The following GPR52 variants were observed in gnomAD, a reference collection of about 807,000 sequenced individuals.
GPR52 encodes probable G-protein coupled receptor 52.
GPR52 carries 8 observed loss-of-function variants against 24.0 expected under a neutral mutation model. That is an observed-to-expected ratio of 0.33 (90% CI 0.20 to 0.60). The LOEUF is 0.60. GPR52 is among the 20% of genes least tolerant of loss of function. The pLI is 0.82. For synonymous variants in GPR52, 144 were observed against 158.1 expected, an observed-to-expected ratio of 0.91 and a Z score of 0.67; for missense variants, 412 against 447.7, an observed-to-expected ratio of 0.92 and a Z score of 0.72.
chr1:174,449,089 A>C lies in GPR52; in HGVS notation c.978A>C (p.Leu326=). Residue 326 remains leucine, a synonymous_variant, in exon 1 of 1, where the codon CTA becomes CTC. Coordinates refer to ENST00000367685, the MANE Select transcript of GPR52 (RefSeq NM_005684.5). ...GCCTCTCCAACAGCGTTTTCCGGCT[A>C]GGCCTCCGAAGACTGTCTGAGACAA... ...IYSLSNSVFR[L]GLRRLSETMC... is the part of the protein sequence containing the mutation. The C allele has an allele frequency of 6.2e-7, 1 of 1,614,096 alleles. No homozygotes were observed. The highest frequency in any genetic ancestry group is 8.5e-7 in the Non-Finnish European group (1 of 1,179,922).
In GPR52 at chr1:174,448,029, C is replaced by G. The variant is rs900329926; in HGVS notation, c.-83C>G. The G allele has an allele frequency of 2.1e-5, 25 of 1,186,892 alleles. No homozygotes were observed. The highest frequency in any genetic ancestry group is 3.0e-5 in the Non-Finnish European group (25 of 825,248). The allele number at this position is 1,186,892 out of a possible 1,614,324, so 73.5% of individuals were successfully genotyped here. A position where few individuals can be genotyped will look rare whatever the true frequency, so the allele number is the denominator to read the frequency against. ...GTCTACTGAAGCAGGTTCTGAAACA[C>G]TCATGTGCGGTGTTTAACAGATGCT... On this transcript the variant is annotated 5_prime_UTR_variant, in exon 1 of 1. Transcript: ENST00000367685. The surrounding 1 kb of genome is among the most constrained non-coding windows in gnomAD (Gnocchi z 4.2).
rs765943147 is a variant in GPR52, at chr1:174,448,331, T to G, written c.220T>G (p.Tyr74Asp). The change falls in exon 1 of 1, where the codon TAT (tyrosine) becomes GAT (aspartate). Residue 74 changes from tyrosine (Y) to aspartate (D), a missense_variant. Coordinates refer to ENST00000367685, the MANE Select transcript of GPR52 (RefSeq NM_005684.5). The surrounding 1 kb of genome is among the most constrained non-coding windows in gnomAD (Gnocchi z 4.2). ...VFHCAPLLHH[Y>D]TTSYFIQTMA... ...TCATTGTGCTCCACTGTTACATCATTATACTACCAGCTATTTCATTCAGAC... is the reference window on the plus strand; with the variant it reads ...TCATTGTGCTCCACTGTTACATCATGATACTACCAGCTATTTCATTCAGAC... The G allele has an allele frequency of 6.2e-6, 10 of 1,613,814 alleles. No homozygotes were observed. The highest frequency in any genetic ancestry group is 8.5e-6 in the Non-Finnish European group (10 of 1,179,688).
chr1:174,449,377 T>A lies in GPR52; in HGVS notation c.*180T>A, dbSNP rs1558244488. Reference sequence around the variant, plus strand: ...TCATGGAAGAAACTAAAGGGAAGGATGTATAGAGGGTTAGCTCATGAAATA... The same window carrying A: ...TCATGGAAGAAACTAAAGGGAAGGAAGTATAGAGGGTTAGCTCATGAAATA... On this transcript the variant is annotated 3_prime_UTR_variant, in exon 1 of 1. Transcript: ENST00000367685. Among the ~76,000 whole-genome samples, 1 of 152,080 alleles carries A rather than the reference T, an allele frequency of 6.6e-6. No homozygotes were observed. Among genetic ancestry groups the A allele is most frequent in the Non-Finnish European group, 1.5e-5 (1 of 68,014 alleles).
rs1231639785 is a variant in GPR52 at position 174,448,631 on chromosome 1, T to C, written c.520T>C (p.Leu174=). The stretch of plus-strand genomic sequence containing the variant: ...CTGGATCTACTCCTGCCTAATTTTC[T>C]TGCCTTCCTTTTTTGGCTGGGGGAA... ...LIWIYSCLIF[L]PSFFGWGKPG... is the part of the protein sequence containing the mutation. The change falls in exon 1 of 1, where the codon TTG becomes CTG. Residue 174 remains leucine (L), a synonymous_variant. Coordinates refer to ENST00000367685, the MANE Select transcript of GPR52 (RefSeq NM_005684.5). This position sits in a 1 kb window ranked among gnomAD's most constrained non-coding sequence, Gnocchi z 4.2. 8 of 1,613,856 alleles carry C rather than the reference T, an allele frequency of 5.0e-6. 1 individual carries two copies. In the Admixed American group the frequency reaches 1.3e-4, roughly 27 times the overall value.
In GPR52 at chr1:174,448,110, C is replaced by T. The variant is rs559177505; in HGVS notation, c.-2C>T. The stretch of plus-strand genomic sequence containing the variant: ...CTGCAGGTGTCTTTAAATTTCCAAG[C>T]CATGAATGAATCCAGGTGGACTGAA... On this transcript the variant is annotated 5_prime_UTR_variant, in exon 1 of 1. Coordinates refer to ENST00000367685, the MANE Select transcript of GPR52 (RefSeq NM_005684.5). This position sits in a 1 kb window ranked among gnomAD's most constrained non-coding sequence, Gnocchi z 4.2. The T allele has an allele frequency of 3.7e-6, 6 of 1,606,162 alleles. No homozygotes were observed. Among genetic ancestry groups the T allele is most frequent in the South Asian group, 3.3e-5 (3 of 89,688 alleles).
In GPR52 at chr1:174,449,324, T is replaced by A; in HGVS notation, c.*127T>A. ...TTGACTGTAAAATGAAGTATGAGAC[T>A]AAAGGTTTCTCTCTTTTTTTTTCTT... On this transcript the variant is annotated 3_prime_UTR_variant, in exon 1 of 1. Transcript: ENST00000367685. 1.3e-6 allele frequency: 1 copy of A among 782,910 alleles called. No individual in the cohort carries two copies. The highest frequency in any genetic ancestry group is 2.0e-6 in the Non-Finnish European group (1 of 494,006). The allele number at this position is 782,910 out of a possible 1,614,324, so 48.5% of individuals were successfully genotyped here.
chr1:174,448,033 T>C lies in GPR52; in HGVS notation c.-79T>C, dbSNP rs1022142476. 1.7e-6 allele frequency: 2 copies of C among 1,190,692 alleles called. No individual in the cohort carries two copies. Among genetic ancestry groups the C allele is most frequent in the African/African-American group, 1.5e-5 (1 of 65,716 alleles). 73.8% of individuals were successfully genotyped at this position (1,190,692 alleles called of 1,614,324 possible). ...ACTGAAGCAGGTTCTGAAACACTCA[T>C]GTGCGGTGTTTAACAGATGCTGGGC... On this transcript the variant is annotated 5_prime_UTR_variant, in exon 1 of 1. It removes an upstream start codon present in the reference 5' UTR. Transcript: ENST00000367685. This position sits in a 1 kb window ranked among gnomAD's most constrained non-coding sequence, Gnocchi z 4.2.
At position 174,448,559 on chromosome 1, in the gene GPR52, A is replaced by G. The variant is rs765304392; in HGVS notation, c.448A>G (p.Asn150Asp). The G allele has an allele frequency of 5.0e-6, 8 of 1,613,592 alleles. No homozygotes were observed. Among genetic ancestry groups the G allele is most frequent in the Non-Finnish European group, 6.8e-6 (8 of 1,179,680 alleles). The change falls in exon 1 of 1, where the codon AAT becomes GAT. Residue 150 changes from asparagine to aspartate, a missense_variant. Physicochemically the swap from Asn to Asp is conservative, Grantham distance 23 (BLOSUM62 1). Transcript: ENST00000367685. This position sits in a 1 kb window ranked among gnomAD's most constrained non-coding sequence, Gnocchi z 4.2. ...TGCAATAACCAAGCCTCTTTCCTAC[A>G]ATCAACTGGTCACCCCTTGTCGCTT... Reference protein sequence around the residue: ...YLAITKPLSYNQLVTPCRLRI... With the variant: ...YLAITKPLSYDQLVTPCRLRI...
chr1:174,448,329 A>G lies in GPR52; in HGVS notation c.218A>G (p.His73Arg), dbSNP rs1157750189. ...TTTCATTGTGCTCCACTGTTACATC[A>G]TTATACTACCAGCTATTTCATTCAG... ...FVFHCAPLLH[H>R]YTTSYFIQTM... The change falls in exon 1 of 1, where the codon CAT becomes CGT. Residue 73 changes from histidine to arginine, a missense_variant. Physicochemically the swap from His to Arg is conservative, Grantham distance 29 (BLOSUM62 0). Transcript: ENST00000367685. This position sits in a 1 kb window ranked among gnomAD's most constrained non-coding sequence, Gnocchi z 4.2. The G allele has an allele frequency of 6.2e-7, 1 of 1,613,748 alleles. No individual in the cohort carries two copies. The highest frequency in any genetic ancestry group is 8.5e-7 in the Non-Finnish European group (1 of 1,179,686).
chr1:174,448,676 A>G lies in GPR52; in HGVS notation c.565A>G (p.Ile189Val). The G allele has an allele frequency of 6.2e-7, 1 of 1,613,936 alleles. No homozygotes were observed. The highest frequency in any genetic ancestry group is 1.1e-5 in the South Asian group (1 of 91,064). ...GWGKPGYHGD[I>V]FEWCATSWLT... ...GGGGAAACCTGGTTACCATGGTGAC[A>G]TTTTTGAATGGTGTGCCACGTCTTG... is the stretch of plus-strand genomic sequence containing the variant. The change falls in exon 1 of 1, where the codon ATT (isoleucine) becomes GTT (valine). Residue 189 changes from isoleucine to valine, a missense_variant. Coordinates refer to ENST00000367685, the MANE Select transcript of GPR52 (RefSeq NM_005684.5). This position sits in a 1 kb window ranked among gnomAD's most constrained non-coding sequence, Gnocchi z 4.2.
rs780135607 is a variant in GPR52 at position 174,449,257 on chromosome 1, T to G, written c.*60T>G. 47 of 1,385,778 alleles carry G rather than the reference T, an allele frequency of 3.4e-5. No homozygotes were observed. The highest frequency in any genetic ancestry group is 4.1e-5 in the Non-Finnish European group (42 of 1,021,080). 85.8% of individuals were successfully genotyped at this position (1,385,778 alleles called of 1,614,324 possible). ...AGTGGTTTTGGATCATATTCTAGAT[T>G]CATCTGGAAATTTGCCATCAGAGAA... On this transcript the variant is annotated 3_prime_UTR_variant, in exon 1 of 1. Coordinates refer to ENST00000367685, the MANE Select transcript of GPR52 (RefSeq NM_005684.5).
Position 174,448,526 on chromosome 1 carries a change from C to T in GPR52, c.415C>T (p.Arg139Cys), listed in dbSNP as rs1170872463. The stretch of plus-strand genomic sequence containing the variant: ...ATGTCTTGCTTGCATCAGTGTGGAT[C>T]GTTATCTTGCAATAACCAAGCCTCT... Reference protein sequence around the residue: ...MACLACISVDRYLAITKPLSY... With the variant: ...MACLACISVDCYLAITKPLSY... The change falls in exon 1 of 1, where the codon CGT (arginine) becomes TGT (cysteine). Residue 139 changes from arginine (R) to cysteine (C), a missense_variant. By Grantham distance (180) the Arg-to-Cys change is radical. Coordinates refer to ENST00000367685, the MANE Select transcript of GPR52 (RefSeq NM_005684.5). This position sits in a 1 kb window ranked among gnomAD's most constrained non-coding sequence, Gnocchi z 4.2. 1.2e-6 allele frequency: 2 copies of T among 1,611,264 alleles called. No homozygotes were observed. The highest frequency in any genetic ancestry group is 1.1e-5 in the South Asian group (1 of 91,008).
In GPR52 at chr1:174,448,425, C is replaced by T. The variant is rs766391344; in HGVS notation, c.314C>T (p.Ser105Phe). 1.9e-6 allele frequency: 3 copies of T among 1,612,848 alleles called. No individual in the cohort carries two copies. The East Asian group carries it at 6.7e-5, about 36-fold the overall frequency. Residue 105 changes from serine (S) to phenylalanine (F), a missense_variant, in exon 1 of 1, where the codon TCC becomes TTC. Coordinates refer to ENST00000367685, the MANE Select transcript of GPR52 (RefSeq NM_005684.5). The surrounding 1 kb of genome is among the most constrained non-coding windows in gnomAD (Gnocchi z 4.2). ...CCTACTCTGTCACTTCTCCACTACT[C>T]CACAGGTGTCCACGAGTCATTGACT... Reference protein sequence around the residue: ...LVPTLSLLHYSTGVHESLTCQ... With the variant: ...LVPTLSLLHYFTGVHESLTCQ...
chr1:174,448,875 CTG>C lies in GPR52; in HGVS notation c.765_766del (p.Gly256ThrfsTer4), dbSNP rs1392984742. The stretch of plus-strand genomic sequence containing the variant: ...CATGAGGTAGATTCTTCCAGAGAGA[CTG>C]GACACAGCCCTGACCGTCGCTACGC... On this transcript the variant is annotated frameshift_variant, in exon 1 of 1. Coordinates refer to ENST00000367685, the MANE Select transcript of GPR52 (RefSeq NM_005684.5). LOFTEE classifies it high-confidence loss of function. The surrounding 1 kb of genome is among the most constrained non-coding windows in gnomAD (Gnocchi z 4.2). 6.2e-7 allele frequency: 1 copy of C among 1,613,792 alleles called. No homozygotes were observed. Among genetic ancestry groups the C allele is most frequent in the Non-Finnish European group, 8.5e-7 (1 of 1,179,684 alleles).
At position 174,449,279 on chromosome 1, in the gene GPR52, A is replaced by G. The variant is rs1184929843; in HGVS notation, c.*82A>G. 2 of 1,204,146 alleles carry G rather than the reference A, an allele frequency of 1.7e-6. No individual in the cohort carries two copies. The highest frequency in any genetic ancestry group is 3.0e-5 in the African/African-American group (2 of 65,682). The allele number at this position is 1,204,146 out of a possible 1,614,324, so 74.6% of individuals were successfully genotyped here. A position where few individuals can be genotyped will look rare whatever the true frequency, so the allele number is the denominator to read the frequency against. On this transcript the variant is annotated 3_prime_UTR_variant, in exon 1 of 1. Transcript: ENST00000367685. ...GATTCATCTGGAAATTTGCCATCAGAGAAATATTTACTTGAATAGTTGACT... is the reference window on the plus strand; with the variant it reads ...GATTCATCTGGAAATTTGCCATCAGGGAAATATTTACTTGAATAGTTGACT...
rs560667623 is a variant in GPR52 at position 174,449,070 on chromosome 1, C to G, written c.959C>G (p.Ser320Cys). 6.2e-7 allele frequency: 1 copy of G among 1,614,084 alleles called. No individual in the cohort carries two copies. The highest frequency in any genetic ancestry group is 1.1e-5 in the South Asian group (1 of 91,080). ...SFCNCVIYSL[S>C]NSVFRLGLRR... ...TGTAACTGTGTAATATACAGCCTCT[C>G]CAACAGCGTTTTCCGGCTAGGCCTC... The change falls in exon 1 of 1, where the codon TCC (serine) becomes TGC (cysteine). Residue 320 changes from serine (S) to cysteine (C), a missense_variant. Ser to Cys is a moderately radical substitution (Grantham distance 112). Coordinates refer to ENST00000367685, the MANE Select transcript of GPR52 (RefSeq NM_005684.5).
rs774544035 is a variant in GPR52 at position 174,448,196 on chromosome 1, C to A, written c.85C>A (p.Leu29Ile). The change falls in exon 1 of 1, where the codon CTT (leucine) becomes ATT (isoleucine). Residue 29 changes from leucine to isoleucine, a missense_variant. Transcript: ENST00000367685. This position sits in a 1 kb window ranked among gnomAD's most constrained non-coding sequence, Gnocchi z 4.2. The stretch of plus-strand genomic sequence containing the variant: ...TGTGTCCGAGCGTCACTCCTGCCCA[C>A]TTGGATTTGGCCACTACAGTGTGGT... ...VNVSERHSCP[L>I]GFGHYSVVDV... The A allele has an allele frequency of 2.5e-6, 4 of 1,613,910 alleles. No homozygotes were observed. Among genetic ancestry groups the A allele is most frequent in the Non-Finnish European group, 3.4e-6 (4 of 1,179,856 alleles).
chr1:174,448,185 A>T lies in GPR52; in HGVS notation c.74A>T (p.His25Leu). The change falls in exon 1 of 1, where the codon CAC becomes CTC. Residue 25 changes from histidine (H) to leucine (L), a missense_variant. Physicochemically the swap from His to Leu is moderately conservative, Grantham distance 99. Coordinates refer to ENST00000367685, the MANE Select transcript of GPR52 (RefSeq NM_005684.5). The surrounding 1 kb of genome is among the most constrained non-coding windows in gnomAD (Gnocchi z 4.2). ...GGCATTGTGAATGTGTCCGAGCGTC[A>T]CTCCTGCCCACTTGGATTTGGCCAC... ...SSGIVNVSER[H>L]SCPLGFGHYS... 1 of 1,613,512 alleles carries T rather than the reference A, an allele frequency of 6.2e-7. No individual in the cohort carries two copies. Among genetic ancestry groups the T allele is most frequent in the Non-Finnish European group, 8.5e-7 (1 of 1,179,668 alleles).
Position 174,449,178 on chromosome 1 carries a change from C to A in GPR52, c.1067C>A (p.Ala356Asp). Reference protein sequence around the residue: ...EAQEPKPRKRANSCSI With the variant: ...EAQEPKPRKRDNSCSI ...CAAGAACCCAAACCTAGGAAACGGG[C>A]TAATTCTTGCTCCATTTGAAGAGAG... Residue 356 changes from alanine to aspartate, a missense_variant, in exon 1 of 1, where the codon GCT (alanine) becomes GAT (aspartate). Coordinates refer to ENST00000367685, the MANE Select transcript of GPR52 (RefSeq NM_005684.5). 6.2e-7 allele frequency: 1 copy of A among 1,600,094 alleles called. No homozygotes were observed. The highest frequency in any genetic ancestry group is 8.5e-7 in the Non-Finnish European group (1 of 1,174,662).
Sources: gnomAD v4.1 joint callset for allele counts (sites outside exome capture counted in the v4.1 genomes callset) on GRCh38, gnomAD v4.1.1 for gene constraint, Gnocchi (gnomAD v3.1) non-coding constraint, MANE v1.5 for transcripts, NCBI Gene and HGNC (gene_info 2026-07-23, HGNC 2026-07-21) for gene names.